Variants in ARMH3 observed in about 807,000 individuals in gnomAD.
The protein encoded by ARMH3 is armadillo-like helical domain-containing protein 3.
A neutral mutation model predicts 99.1 loss-of-function variants in ARMH3; 60 were observed. The observed-to-expected ratio is 0.61, with a 90% confidence interval of 0.49 to 0.75. ARMH3 has a LOEUF of 0.75. ARMH3 is among the 30% of genes least tolerant of loss of function. The pLI, the probability that ARMH3 is intolerant of heterozygous loss-of-function variation, is 0.00. For missense variants in ARMH3, 679 were observed against 843.1 expected (o/e 0.81, Z 2.41); for synonymous variants, 285 against 292.8 (o/e 0.97, Z 0.27).
intron 14 of ARMH3, among the ~76,000 whole-genome samples, chr10:102,003,341 T>G (rs573875671): frequency 7.9e-4 from 120 of 152,184 alleles, no homozygotes; most frequent in Admixed American, 2.0e-3. Flanking sequence ...TTTTGTATTT[T>G]AGTAGAAACA....
intron 15 of ARMH3, among the ~76,000 whole-genome samples, chr10:102,000,486 C>A (rs1399047216): frequency 1.3e-5 from 2 of 151,620 alleles, no homozygotes; most frequent in African/African-American, 2.4e-5. Context: ...AGGCCAGGTG[C>A]GGTGGCTCAC....
chr10:101,976,966 C>A (rs1846040544), intron 19 of ARMH3, among the ~76,000 whole-genome samples: 2 of 152,108 alleles, frequency 1.3e-5, no homozygotes, highest in African/African-American at 4.8e-5. Context: ...AGTTCTGTTT[C>A]TTTTTCTTTC....
At chr10:102,039,621 T>C (rs1318719122) in intron 2 of ARMH3, among the ~76,000 whole-genome samples, 1 of 152,212 alleles carries the variant, frequency 6.6e-6, no homozygotes, top group Non-Finnish European at 1.5e-5. Context: ...ATGTATCCTT[T>C]AAAAGTATCT....
intron 2 of ARMH3, among the ~76,000 whole-genome samples, chr10:102,037,097 C>T (rs1037029646): frequency 6.6e-6 from 1 of 150,960 alleles, no homozygotes; most frequent in African/African-American, 2.4e-5. Context: ...AATAAAACAG[C>T]ATAAAATTAC....
At chr10:101,864,070 A>AC (rs1375537907) in intron 24 of ARMH3, among the ~76,000 whole-genome samples, 134 of 132,962 alleles carry the variant, frequency 1.0e-3, no homozygotes, top group East Asian at 4.6e-3. Context: ...CAAAAAAAAA[A>AC]AAAAAAAAAC....
intron 22 of ARMH3, among the ~76,000 whole-genome samples, chr10:101,941,428 G>A (rs1215379686): frequency 6.6e-6 from 1 of 152,188 alleles, no homozygotes; most frequent in Non-Finnish European, 1.5e-5. Flanking sequence ...TAAGAAATGT[G>A]TGACCAATCT....
chr10:102,032,950 T>C, intron 4 of ARMH3, 76 bp downstream of exon 4: 1 of 1,518,816 alleles, frequency 6.6e-7, no homozygotes, highest in East Asian at 2.3e-5. Flanking sequence ...CAACTCTAGG[T>C]TCCTCAGTTC....
chr10:101,881,722 G>A (rs1028464403), intron 24 of ARMH3, among the ~76,000 whole-genome samples: 3 of 152,198 alleles, frequency 2.0e-5, no homozygotes, highest in Admixed American at 6.5e-5. Flanking sequence ...TATGGAGGCT[G>A]TGATTAAATG....
At chr10:101,861,877 CAAAAAA>C (rs36095929) in intron 24 of ARMH3, among the ~76,000 whole-genome samples, 1 of 94,008 alleles carries the variant, frequency 1.1e-5, no homozygotes, top group Non-Finnish European at 2.1e-5. Flanking sequence ...CTAAAAATAC[CAAAAAA>C]AAAAAAAAAA....
At chr10:101,856,553 A>C (rs995912586) in intron 24 of ARMH3, among the ~76,000 whole-genome samples, 1 of 151,626 alleles carries the variant, frequency 6.6e-6, no homozygotes, top group Non-Finnish European at 1.5e-5. Context: ...ACCCTGTCCA[A>C]CTCCTAATCA....
intron 5 of ARMH3, among the ~76,000 whole-genome samples, chr10:102,028,065 A>G (rs1256410169): frequency 2.6e-5 from 4 of 151,786 alleles, no homozygotes; most frequent in African/African-American, 9.7e-5. Context: ...AAAAAAAAAT[A>G]AAGAAAAGAC....
Position 102,025,262 on chromosome 10 carries a change from C to A in ARMH3, c.415-14G>T. The A allele has an allele frequency of 6.2e-7, 1 of 1,606,522 alleles. No individual in the cohort carries two copies. The highest frequency in any genetic ancestry group is 8.5e-7 in the Non-Finnish European group (1 of 1,173,590). On this transcript the variant is annotated splice_polypyrimidine_tract_variant and intron_variant, in intron 5 of 25. Coordinates refer to ENST00000370033, the MANE Select transcript of ARMH3 (RefSeq NM_024541.3). ...CTCCATCAAGTTCTGAGAAAGAGAA[C>A]CAATAAGCATTAAACCATACCAGAT...
intron 24 of ARMH3, among the ~76,000 whole-genome samples, chr10:101,853,818 A>T (rs2066667311): frequency 6.6e-6 from 1 of 152,166 alleles, no homozygotes; most frequent in Non-Finnish European, 1.5e-5. Context: ...AGCCTGATAG[A>T]AAGTTAACTG....
chr10:101,905,043 C>G (rs2068070585), intron 23 of ARMH3, among the ~76,000 whole-genome samples: 1 of 151,866 alleles, frequency 6.6e-6, no homozygotes, highest in South Asian at 2.1e-4. Flanking sequence ...CCTGGCTATA[C>G]TGGATTAATC....
At chr10:101,893,048 G>A (rs909361549) in intron 23 of ARMH3, among the ~76,000 whole-genome samples, 8 of 152,244 alleles carry the variant, frequency 5.3e-5, no homozygotes, top group Non-Finnish European at 8.8e-5. Context: ...GCTCAAGGAT[G>A]TTGGCAGAGA....
chr10:101,948,961 T>G (rs545347721), intron 22 of ARMH3, among the ~76,000 whole-genome samples: 1 of 152,030 alleles, frequency 6.6e-6, no homozygotes, highest in Non-Finnish European at 1.5e-5. Flanking sequence ...CCCCAAGTAT[T>G]TGAAAATTAA....
chr10:101,943,078 G>T (rs1262891563), intron 22 of ARMH3, among the ~76,000 whole-genome samples: 1 of 152,188 alleles, frequency 6.6e-6, no homozygotes, highest in Non-Finnish European at 1.5e-5. Flanking sequence ...ACACTGCAGG[G>T]TTGGGAAGAG....
At chr10:102,004,274 A>G (rs867538013) in intron 14 of ARMH3, among the ~76,000 whole-genome samples, 28 of 152,228 alleles carry the variant, frequency 1.8e-4, no homozygotes, top group African/African-American at 6.5e-4. Context: ...AATTAAAAAC[A>G]AGGTTGTAAT....
intron 1 of ARMH3, among the ~76,000 whole-genome samples, chr10:102,045,057 G>T (rs911185646): frequency 2.0e-5 from 3 of 146,832 alleles, no homozygotes; most frequent in African/African-American, 7.6e-5. Context: ...GATGTCTTGA[G>T]CCCAGGAGGC....
Sources: allele counts gnomAD v4.1 joint callset (sites outside exome capture counted in the v4.1 genomes callset), GRCh38; gene constraint gnomAD v4.1.1; transcripts MANE v1.5; gene names NCBI Gene and HGNC (gene_info 2026-07-23, HGNC 2026-07-21).